Variants in ACBD6 observed in about 807,000 individuals in gnomAD.
ACBD6 encodes the protein acyl-CoA-binding domain-containing protein 6.
ACBD6 carries 28 observed loss-of-function variants against 37.2 expected under a neutral mutation model. The ratio of observed to expected loss-of-function variants is 0.75; its 90% CI spans 0.56 to 1.03. ACBD6 has a LOEUF of 1.03. ACBD6 is among the 50% of genes least tolerant of loss of function. The pLI is 0.00. For synonymous variants in ACBD6, 113 were observed against 126.8 expected (o/e 0.89, Z 0.73); for missense variants, 340 against 337.4 (o/e 1.01, Z -0.06).
At chr1:180,377,900 T>C (rs1217610521) in intron 6 of ACBD6, among the ~76,000 whole-genome samples, 1 of 151,758 alleles carries the variant, frequency 6.6e-6, no homozygotes, top group Non-Finnish European at 1.5e-5. Context: ...TGGGCCGTGA[T>C]TGCTCCACTG....
Position 180,502,431 on chromosome 1 carries a change from AC to A in ACBD6, c.-166del. 1 of 739,454 alleles carries A rather than the reference AC, an allele frequency of 1.4e-6. No homozygotes were observed. The highest frequency in any genetic ancestry group is 2.1e-5 in the Admixed American group (1 of 48,490). 45.8% of individuals were successfully genotyped at this position (739,454 alleles called of 1,614,324 possible). ...CCTCACGTGACCCTGCTCCCTGCCC[AC>A]TTCTACTCCCTGGGCGTGCAGAGCA... On this transcript the variant is annotated 5_prime_UTR_variant, in exon 1 of 8. The change creates a new upstream start codon in the 5' untranslated region. Coordinates refer to ENST00000367595, the MANE Select transcript of ACBD6 (RefSeq NM_032360.4).
chr1:180,294,749 C>T (rs1029209034), intron 7 of ACBD6, among the ~76,000 whole-genome samples: 4 of 151,212 alleles, frequency 2.6e-5, no homozygotes, highest in Admixed American at 6.6e-5. Flanking sequence ...GGCTGGAGTG[C>T]GGTGGCACAA....
At chr1:180,355,140 C>G (rs181456552) in intron 6 of ACBD6, among the ~76,000 whole-genome samples, 5 of 152,316 alleles carry the variant, frequency 3.3e-5, no homozygotes, top group African/African-American at 1.2e-4. Context: ...TTTTATTAAT[C>G]TCATCCAACC....
rs1414222000 is a variant in ACBD6 at position 180,448,565 on chromosome 1, T to C, written c.385-18303A>G. ...TTTGATTAAATTCCTAGTAGATTGC[T>C]CTTAGTATGAAGCTTTATACTGGAA... On this transcript the variant is annotated intron_variant, in intron 3 of 7. Transcript: ENST00000367595. Among the ~76,000 whole-genome samples, 2 of 152,188 alleles carry C rather than the reference T, an allele frequency of 1.3e-5. 1 individual carries two copies. Among genetic ancestry groups the C allele is most frequent in the South Asian group, 4.1e-4 (2 of 4,834 alleles).
chr1:180,284,964 C>T (rs751408508), downstream of ACBD6, among the ~76,000 whole-genome samples: 13 of 151,800 alleles, frequency 8.6e-5, no homozygotes, highest in Non-Finnish European at 1.8e-4. Context: ...TCAGCCTGGG[C>T]AATACAGGGA....
At chr1:180,356,661 G>C (rs1203734180) in intron 6 of ACBD6, among the ~76,000 whole-genome samples, 1 of 151,764 alleles carries the variant, frequency 6.6e-6, no homozygotes, top group Admixed American at 6.6e-5. Flanking sequence ...AACCTGGGCA[G>C]TATGGCGAAA....
At chr1:180,431,783 G>T (rs1015035578) in intron 3 of ACBD6, among the ~76,000 whole-genome samples, 1 of 152,074 alleles carries the variant, frequency 6.6e-6, no homozygotes, top group African/African-American at 2.4e-5. Context: ...AAAAAAAATA[G>T]AGATAGAACC....
intron 7 of ACBD6, among the ~76,000 whole-genome samples, chr1:180,296,456 G>A (rs1314580643): frequency 6.6e-6 from 1 of 152,112 alleles, no homozygotes; most frequent in East Asian, 1.9e-4. Flanking sequence ...ATTAGACAGA[G>A]TTTCACTCTG....
intron 6 of ACBD6, among the ~76,000 whole-genome samples, chr1:180,390,688 GT>G (rs1054096909): frequency 6.6e-6 from 1 of 152,128 alleles, no homozygotes; most frequent in African/African-American, 2.4e-5. Context: ...TCGAGCAGTG[GT>G]TTGTAGTTCT....
rs777457819 is a variant in ACBD6, at chr1:180,413,400, G to A, written c.539C>T (p.Ser180Leu). 3.1e-5 allele frequency: 50 copies of A among 1,613,216 alleles called. No individual in the cohort carries two copies. Among genetic ancestry groups the A allele is most frequent in the Non-Finnish European group, 3.8e-5 (45 of 1,179,754 alleles). The change falls in exon 5 of 8, where the codon TCG (serine) becomes TTG (leucine). Residue 180 changes from serine (S) to leucine (L), a missense_variant. Physicochemically the swap from Ser to Leu is moderately radical, Grantham distance 145. Transcript: ENST00000367595. ...TTTCACATTCACATCCACATTTTTC[G>A]ATTTGATGGCTTTGGTTATATGGTC... ...NIDHITKAIK[S>L]KNVDVNVKDE... is the part of the protein sequence containing the mutation.
chr1:180,290,741 G>C (rs1332786215), intron 7 of ACBD6, among the ~76,000 whole-genome samples: 1 of 152,234 alleles, frequency 6.6e-6, no homozygotes, highest in African/African-American at 2.4e-5. Context: ...AGGCATTGCA[G>C]AATGCGAAAA....
chr1:180,394,245 C>T (rs1359128915), intron 6 of ACBD6, among the ~76,000 whole-genome samples: 1 of 151,938 alleles, frequency 6.6e-6, no homozygotes, highest in East Asian at 1.9e-4. Context: ...AGGCACCCAC[C>T]ACTACATCTA....
At chr1:180,426,788 A>G (rs1408853640) in intron 4 of ACBD6, among the ~76,000 whole-genome samples, 2 of 152,214 alleles carry the variant, frequency 1.3e-5, no homozygotes, top group Non-Finnish European at 2.9e-5. Context: ...ATGTATTCAC[A>G]TAATCTGCTA....
In ACBD6 at chr1:180,443,762, G is replaced by A. The variant is rs540582453; in HGVS notation, c.385-13500C>T. 3.1e-4 allele frequency among the ~76,000 whole-genome samples: 46 copies of A among 146,098 alleles called. No homozygotes were observed. In the East Asian group the frequency reaches 7.9e-3, roughly 25 times the overall value. ...CAAGTAGCTGGGACTACAGACACCC[G>A]CCACCACGCCCAGCTAATTTTTTTT... is the stretch of plus-strand genomic sequence containing the variant. On this transcript the variant is annotated intron_variant, in intron 3 of 7. Coordinates refer to ENST00000367595, the MANE Select transcript of ACBD6 (RefSeq NM_032360.4).
chr1:180,485,415 T>G (rs1651222736), intron 3 of ACBD6, among the ~76,000 whole-genome samples: 1 of 152,162 alleles, frequency 6.6e-6, no homozygotes, highest in Non-Finnish European at 1.5e-5. Flanking sequence ...GAGGTCATAC[T>G]GGATTAAGGT....
intron 3 of ACBD6, among the ~76,000 whole-genome samples, chr1:180,445,806 T>C (rs141817878): frequency 2.9e-4 from 44 of 152,282 alleles, no homozygotes; most frequent in African/African-American, 1.0e-3. Context: ...AAATATTTAT[T>C]TTACAGATTC....
intron 6 of ACBD6, among the ~76,000 whole-genome samples, chr1:180,395,794 T>C (rs1050485760): frequency 3.3e-5 from 5 of 152,192 alleles, no homozygotes; most frequent in Admixed American, 2.6e-4. Context: ...AGCTATTCTA[T>C]TTCTAGGGTA....
At chr1:180,404,506 G>A (rs1160963499) in intron 5 of ACBD6, among the ~76,000 whole-genome samples, 1 of 151,994 alleles carries the variant, frequency 6.6e-6, no homozygotes, top group East Asian at 1.9e-4. Context: ...CGCCCAGGCT[G>A]GAGTCCAGTG....
At position 180,271,805 on chromosome 1, in the gene ACBD6, C is replaced by T. The variant is rs780317214; in HGVS notation, c.*1420G>A. The T allele has an allele frequency of 8.1e-6, 13 of 1,613,354 alleles. No individual in the cohort carries two copies. The Admixed American group carries it at 2.0e-4, about 25-fold the overall frequency. ...GCTTTGGGTTTGTGGTGGACGCCCCCTGAGTATGTCCCTTGTGCTTGTGTG... is the reference window on the plus strand; with the variant it reads ...GCTTTGGGTTTGTGGTGGACGCCCCTTGAGTATGTCCCTTGTGCTTGTGTG... On this transcript the variant is annotated 3_prime_UTR_variant, in exon 14 of 14. Transcript: ENST00000642319.
Sources: gnomAD v4.1 joint callset for allele counts (sites outside exome capture counted in the v4.1 genomes callset) on GRCh38, gnomAD v4.1.1 for gene constraint, MANE v1.5 for transcripts, NCBI Gene and HGNC (gene_info 2026-07-23, HGNC 2026-07-21) for gene names.